The following FAM133A variants were observed in gnomAD, a reference collection of about 807,000 sequenced individuals.
The protein encoded by FAM133A is family with sequence similarity 133 member A, also known as protein FAM133A.
For synonymous variants in FAM133A, 65 were observed against 58.6 expected, an observed-to-expected ratio of 1.11 and a Z score of -0.50; for missense variants, 159 against 164.4, an observed-to-expected ratio of 0.97 and a Z score of 0.18.
chrX:93,703,329 T>C (rs1030475312), intron 3 of FAM133A, among the ~76,000 whole-genome samples: 1 of 111,965 alleles, frequency 8.9e-6, no homozygotes, highest in African/African-American at 3.2e-5. Context: ...ACTTGTAATG[T>C]GGTATCTTAG....
At chrX:93,695,680 C>T (rs1342738870) in intron 2 of FAM133A, among the ~76,000 whole-genome samples, 1 of 74,500 alleles carries the variant, frequency 1.3e-5, no homozygotes, top group African/African-American at 5.3e-5. Flanking sequence ...CTCGCTCTTT[C>T]GCCCAGGCTG....
intron 2 of FAM133A, among the ~76,000 whole-genome samples, chrX:93,681,949 T>G (rs772145369): frequency 4.5e-5 from 5 of 112,091 alleles, no homozygotes; most frequent in Non-Finnish European, 9.4e-5. Flanking sequence ...TTAGACTATC[T>G]GACCAATCTG....
At chrX:93,708,849 T>C (rs180896358) in intron 3 of FAM133A, among the ~76,000 whole-genome samples, 40 of 111,676 alleles carry the variant, frequency 3.6e-4, no homozygotes, top group Admixed American at 5.7e-4. Flanking sequence ...GATTTAGTAA[T>C]GTATTGGATT....
chrX:93,703,082 A>G (rs1487154280), intron 3 of FAM133A, among the ~76,000 whole-genome samples: 1 of 111,057 alleles, frequency 9.0e-6, no homozygotes, highest in Non-Finnish European at 1.9e-5. Flanking sequence ...TCAGCTACTC[A>G]GGAGGCTGAG....
intron 3 of FAM133A, among the ~76,000 whole-genome samples, chrX:93,702,861 A>C (rs1333348708): frequency 9.7e-6 from 1 of 102,754 alleles, no homozygotes; most frequent in Non-Finnish European, 2.0e-5. Flanking sequence ...AAAAAAAAAA[A>C]AAAAAAAAAC....
intron 2 of FAM133A, among the ~76,000 whole-genome samples, chrX:93,682,184 G>C (rs982956901): frequency 8.9e-6 from 1 of 111,882 alleles, no homozygotes; most frequent in Non-Finnish European, 1.9e-5. Flanking sequence ...CTCATCTGTA[G>C]AATGGGGATA....
At chrX:93,709,026 G>T in intron 3 of FAM133A, among the ~76,000 whole-genome samples, 1 of 111,483 alleles carries the variant, frequency 9.0e-6, no homozygotes, top group Non-Finnish European at 1.9e-5. Context: ...ATGAAAGAAA[G>T]GAAAAAGTTA....
intron 2 of FAM133A, among the ~76,000 whole-genome samples, chrX:93,677,519 A>T (rs902100116): frequency 9.0e-6 from 1 of 111,680 alleles, no homozygotes; most frequent in African/African-American, 3.2e-5. Flanking sequence ...TGTATCTGTG[A>T]AAGTATCACC....
At chrX:93,693,854 A>C (rs1926051017) in intron 2 of FAM133A, among the ~76,000 whole-genome samples, 2 of 112,081 alleles carry the variant, frequency 1.8e-5, no homozygotes, top group South Asian at 7.3e-4. Flanking sequence ...CTTCTTTCAA[A>C]TTGCTCTTTT....
intron 2 of FAM133A, among the ~76,000 whole-genome samples, chrX:93,685,517 A>G (rs150484807): frequency 1.7e-3 from 191 of 111,958 alleles, no homozygotes; most frequent in Non-Finnish European, 3.1e-3. Flanking sequence ...ATGCTTACCA[A>G]GAGATTCTGT....
At position 93,703,485 on chromosome X, in the gene FAM133A, G is replaced by A. The variant is rs186541159; in HGVS notation, c.-104+5000G>A. On this transcript the variant is annotated intron_variant, in intron 3 of 3. Coordinates refer to ENST00000683942, the MANE Select transcript of FAM133A (RefSeq NM_001171109.2). ...TCAATGTAAGATATTAACGGTAAGAGAAACTAGATGCAGGGGATACAGGAA... is the reference window on the plus strand; with the variant it reads ...TCAATGTAAGATATTAACGGTAAGAAAAACTAGATGCAGGGGATACAGGAA... 8.0e-3 allele frequency among the ~76,000 whole-genome samples: 894 copies of A among 111,882 alleles called. 4 individuals are homozygous for A. The highest frequency in any genetic ancestry group is 0.013 in the Non-Finnish European group (676 of 53,140).
rs1602862231 is a variant in FAM133A at position 93,711,735 on chromosome X, C to T, written c.*1569C>T. On this transcript the variant is annotated 3_prime_UTR_variant, in exon 4 of 4. Transcript: ENST00000683942. ...TTTTGCATTGGAAATACTGGAATCTCTCATTAAAGTTCTTGGAACATTATA... is the reference window on the plus strand; with the variant it reads ...TTTTGCATTGGAAATACTGGAATCTTTCATTAAAGTTCTTGGAACATTATA... 8.1e-6 allele frequency: 1 copy of T among 122,703 alleles called. No homozygotes were observed. The highest frequency in any genetic ancestry group is 1.9e-5 in the Non-Finnish European group (1 of 53,098). The allele number at this position is 122,703 out of a possible 1,213,427, so 10.1% of individuals were successfully genotyped here.
chrX:93,702,837 TAAAAAAAAA>T (rs33985910), intron 3 of FAM133A, among the ~76,000 whole-genome samples: 34 of 43,038 alleles, frequency 7.9e-4, no homozygotes, highest in African/African-American at 2.7e-3. Flanking sequence ...ATAGCTATGA[TAAAAAAAAA>T]AAAAAAAAAA....
intron 3 of FAM133A, among the ~76,000 whole-genome samples, chrX:93,700,475 T>C (rs1465526183): frequency 9.0e-6 from 1 of 111,483 alleles, no homozygotes; most frequent in African/African-American, 3.3e-5. Flanking sequence ...AAGACATTTT[T>C]CCATTTTAAA....
chrX:93,678,671 C>A (rs1704533894), intron 2 of FAM133A, among the ~76,000 whole-genome samples: 1 of 111,801 alleles, frequency 8.9e-6, no homozygotes, highest in African/African-American at 3.2e-5. Flanking sequence ...AGGTTTATTT[C>A]TTTTGATATA....
upstream of FAM133A, chrX:93,673,988 T>TAAAAAAA (rs946167250): frequency 2.6e-5 from 1 of 38,723 alleles, no homozygotes; most frequent in Non-Finnish European, 4.2e-5. Flanking sequence ...CAAAAAGCTG[T>TAAAAAAA]AAAAAAAAAA....
chrX:93,700,718 T>C (rs1407988301), intron 3 of FAM133A, among the ~76,000 whole-genome samples: 1 of 111,725 alleles, frequency 9.0e-6, no homozygotes, highest in Non-Finnish European at 1.9e-5. Flanking sequence ...TACATATACA[T>C]AGACATTTCT....
intron 2 of FAM133A, among the ~76,000 whole-genome samples, chrX:93,697,241 A>C (rs910568537): frequency 2.8e-5 from 3 of 107,971 alleles, no homozygotes; most frequent in Non-Finnish European, 5.7e-5. Context: ...TGTTTTTAAT[A>C]AAAATAAGAC....
rs1005882467 is a variant in FAM133A, at chrX:93,711,893, T to A, written c.*1727T>A. Reference sequence around the variant, plus strand: ...TATAGAGTTTTTCAGAATTGTTCATTAAAATGCTTTTTATAAGCTTATATT... The same window carrying A: ...TATAGAGTTTTTCAGAATTGTTCATAAAAATGCTTTTTATAAGCTTATATT... On this transcript the variant is annotated 3_prime_UTR_variant, in exon 4 of 4. Coordinates refer to ENST00000683942, the MANE Select transcript of FAM133A (RefSeq NM_001171109.2). The A allele has an allele frequency of 8.1e-6, 1 of 123,447 alleles. No individual in the cohort carries two copies. Among genetic ancestry groups the A allele is most frequent in the African/African-American group, 3.2e-5 (1 of 30,880 alleles). 10.2% of individuals were successfully genotyped at this position (123,447 alleles called of 1,213,427 possible).
Sources: gnomAD v4.1 joint callset for allele counts (sites outside exome capture counted in the v4.1 genomes callset) on GRCh38, gnomAD v4.1.1 for gene constraint, MANE v1.5 for transcripts, NCBI Gene and HGNC (gene_info 2026-07-23, HGNC 2026-07-21) for gene names.